CCNY: variants seen among roughly 807,000 people sequenced by gnomAD.
The protein encoded by CCNY is cyclin Y.
In CCNY, 19 loss-of-function variants were observed where a neutral mutation model predicts 42.8. The observed-to-expected ratio is 0.44, with a 90% CI of 0.31 to 0.65. The LOEUF is 0.65. CCNY is among the 30% of genes least tolerant of loss of function. CCNY has a pLI of 0.07. For synonymous variants in CCNY, 165 were observed against 162.7 expected (o/e 1.01, Z -0.11); for missense variants, 370 against 437.3 (o/e 0.85, Z 1.37).
At chr10:35,480,103 C>G (rs1043583180) in intron 1 of CCNY, among the ~76,000 whole-genome samples, 8 of 152,088 alleles carry the variant, frequency 5.3e-5, no homozygotes, top group African/African-American at 1.9e-4. Flanking sequence ...CCGTGAATTT[C>G]ACATCAGACA....
intron 7 of CCNY, among the ~76,000 whole-genome samples, chr10:35,546,114 A>C (rs1014604544): frequency 6.6e-6 from 1 of 152,196 alleles, no homozygotes; most frequent in Non-Finnish European, 1.5e-5. Context: ...TATGATTTCA[A>C]CCTCAGCCGT....
At chr10:35,381,450 A>G (rs997978802) in intron 1 of CCNY, among the ~76,000 whole-genome samples, 4 of 151,708 alleles carry the variant, frequency 2.6e-5, no homozygotes, top group African/African-American at 9.7e-5. Flanking sequence ...AATCCCAGCT[A>G]CTGGAGGGGG....
At chr10:35,560,577 G>A (rs955036104) in intron 8 of CCNY, among the ~76,000 whole-genome samples, 4 of 152,104 alleles carry the variant, frequency 2.6e-5, no homozygotes, top group African/African-American at 9.7e-5. Flanking sequence ...AAACTGTGGG[G>A]AAAAAATTCC....
At chr10:35,325,545 T>G (rs767368060) in intron 3 of CCNY, among the ~76,000 whole-genome samples, 1 of 150,844 alleles carries the variant, frequency 6.6e-6, no homozygotes, top group Non-Finnish European at 1.5e-5. Flanking sequence ...AATGGCGTGA[T>G]CTCAGCTCAC....
At chr10:35,542,664 G>A (rs1201743231) in intron 7 of CCNY, among the ~76,000 whole-genome samples, 1 of 152,216 alleles carries the variant, frequency 6.6e-6, no homozygotes, top group Non-Finnish European at 1.5e-5. Context: ...TCCGATGCCT[G>A]CCATTCAACC....
intron 8 of CCNY, among the ~76,000 whole-genome samples, chr10:35,556,174 C>T (rs984981342): frequency 1.3e-5 from 2 of 152,146 alleles, no homozygotes; most frequent in African/African-American, 4.8e-5. Flanking sequence ...GCCCCACATG[C>T]CTGTAGCTGG....
chr10:35,387,118 T>C (rs1284119761), intron 1 of CCNY, among the ~76,000 whole-genome samples: 1 of 152,196 alleles, frequency 6.6e-6, no homozygotes, highest in East Asian at 1.9e-4. Flanking sequence ...TCTGAACTTT[T>C]ATGGGAGAGA....
Position 35,553,156 on chromosome 10 carries a change from G to GA in CCNY, c.718dup (p.Ile240AsnfsTer19). The stretch of plus-strand genomic sequence containing the variant: ...CTGTATGGAATGTGGATTACTGCCA[G>GA]ATCCTGAAAGACATCACGGTGGAGG... On this transcript the variant is annotated frameshift_variant, in exon 8 of 10. Transcript: ENST00000374704. LOFTEE classifies it high-confidence loss of function. 6.2e-7 allele frequency: 1 copy of GA among 1,614,214 alleles called. No individual in the cohort carries two copies. The highest frequency in any genetic ancestry group is 2.2e-5 in the East Asian group (1 of 44,880).
chr10:35,376,852 T>C (rs1052119925), intron 1 of CCNY, among the ~76,000 whole-genome samples: 1 of 152,164 alleles, frequency 6.6e-6, no homozygotes, highest in African/African-American at 2.4e-5. Flanking sequence ...CAGGGAAATC[T>C]AATAGAGACA....
intron 7 of CCNY, among the ~76,000 whole-genome samples, chr10:35,548,586 G>C (rs1033526736): frequency 6.6e-6 from 1 of 152,000 alleles, no homozygotes; most frequent in South Asian, 2.1e-4. Context: ...TTGAGCCACC[G>C]CACCCAGCCA....
chr10:35,465,338 GC>G (rs1293824322), intron 1 of CCNY, among the ~76,000 whole-genome samples: 2 of 151,604 alleles, frequency 1.3e-5, no homozygotes, highest in Non-Finnish European at 2.9e-5. Flanking sequence ...CAGCATTGTT[GC>G]TCTGATCGTC....
intron 3 of CCNY, among the ~76,000 whole-genome samples, chr10:35,256,355 T>A (rs1357396704): frequency 2.0e-5 from 3 of 152,228 alleles, no homozygotes; most frequent in African/African-American, 7.2e-5. Context: ...TGTGTGTATA[T>A]CTGCAACTAT....
At chr10:35,456,253 C>T (rs1796747966) in intron 1 of CCNY, among the ~76,000 whole-genome samples, 1 of 152,160 alleles carries the variant, frequency 6.6e-6, no homozygotes, top group South Asian at 2.1e-4. Flanking sequence ...GTCTGTCTCC[C>T]TCAGTATAGC....
intron 1 of CCNY, among the ~76,000 whole-genome samples, chr10:35,355,221 C>T (rs142355577): frequency 2.1e-4 from 32 of 152,184 alleles, no homozygotes; most frequent in African/African-American, 7.2e-4. Flanking sequence ...ATGGTTGGGA[C>T]AGCAAATTTC....
chr10:35,272,309 T>C (rs1173622671), intron 3 of CCNY, among the ~76,000 whole-genome samples: 1 of 152,022 alleles, frequency 6.6e-6, no homozygotes, highest in Non-Finnish European at 1.5e-5. Context: ...TTTAACTTTT[T>C]ACATTCAGGG....
intron 1 of CCNY, among the ~76,000 whole-genome samples, chr10:35,395,580 T>C (rs1253997047): frequency 2.7e-5 from 4 of 150,884 alleles, no homozygotes; most frequent in Admixed American, 6.6e-5. Context: ...ATATTGAGGG[T>C]GATCAGATGT....
chr10:35,408,957 T>A (rs1837844108), intron 1 of CCNY, among the ~76,000 whole-genome samples: 1 of 152,086 alleles, frequency 6.6e-6, no homozygotes, highest in South Asian at 2.1e-4. Flanking sequence ...TTTGTTTTTT[T>A]TTTTTCATTC....
chr10:35,375,544 G>A (rs1047238136), intron 1 of CCNY, among the ~76,000 whole-genome samples: 1 of 152,158 alleles, frequency 6.6e-6, no homozygotes, highest in East Asian at 1.9e-4. Flanking sequence ...ACAGGTTATG[G>A]GGAAATGTTC....
chr10:35,288,507 A>G (rs1452485376), intron 3 of CCNY, among the ~76,000 whole-genome samples: 1 of 152,042 alleles, frequency 6.6e-6, no homozygotes, highest in Non-Finnish European at 1.5e-5. Flanking sequence ...AATGAAGTCA[A>G]TTTAGTATCA....
Sources: allele counts gnomAD v4.1 joint callset (sites outside exome capture counted in the v4.1 genomes callset), GRCh38; gene constraint gnomAD v4.1.1; transcripts MANE v1.5; gene names NCBI Gene and HGNC (gene_info 2026-07-23, HGNC 2026-07-21).